CSMD1: variants seen among roughly 807,000 people sequenced by gnomAD.
CSMD1 encodes CUB and Sushi multiple domains 1.
In CSMD1, 213 loss-of-function variants were observed where a neutral mutation model predicts 417.5. The ratio of observed to expected loss-of-function variants is 0.51; its 90% CI spans 0.46 to 0.57. The LOEUF is 0.57. CSMD1 is among the 20% of genes least tolerant of loss of function. The pLI, the probability that CSMD1 is intolerant of heterozygous loss-of-function variation, is 0.00. For missense variants in CSMD1, 6,923 were observed against 4,529.7 expected (o/e 1.53, Z -15.17); for synonymous variants, 2,862 against 1,736.8 (o/e 1.65, Z -16.11).
intron 7 of CSMD1, among the ~76,000 whole-genome samples, chr8:3,660,573 T>C (rs1310979951): frequency 8.8e-6 from 1 of 114,100 alleles, no homozygotes; most frequent in Non-Finnish European, 1.7e-5. Context: ...CAGGCAAGAG[T>C]GCAGTGGTGC....
intron 3 of CSMD1, among the ~76,000 whole-genome samples, chr8:4,402,013 C>A (rs1340116872): frequency 6.6e-6 from 1 of 152,060 alleles, no homozygotes; most frequent in Non-Finnish European, 1.5e-5. Context: ...CTGCTGCTAC[C>A]ACTGTTATAA....
chr8:4,070,692 C>T (rs549133801), intron 3 of CSMD1, among the ~76,000 whole-genome samples: 1 of 152,060 alleles, frequency 6.6e-6, no homozygotes, highest in Non-Finnish European at 1.5e-5. Flanking sequence ...CACTGAAGAT[C>T]CAAGTTTTCA....
At chr8:3,547,749 T>G (rs906748852) in intron 10 of CSMD1, among the ~76,000 whole-genome samples, 1 of 152,206 alleles carries the variant, frequency 6.6e-6, no homozygotes, top group Non-Finnish European at 1.5e-5. Flanking sequence ...GAGCTAGTTA[T>G]CTAATAGAAA....
intron 6 of CSMD1, among the ~76,000 whole-genome samples, chr8:3,718,322 C>A (rs1270976871): frequency 6.6e-6 from 1 of 151,932 alleles, no homozygotes; most frequent in African/African-American, 2.4e-5. Flanking sequence ...TTTTGATGTC[C>A]TTGAATAGGG....
intron 3 of CSMD1, among the ~76,000 whole-genome samples, chr8:4,239,447 G>C (rs1802258285): frequency 6.6e-6 from 1 of 152,166 alleles, no homozygotes; most frequent in Non-Finnish European, 1.5e-5. Flanking sequence ...GCTGGGTCCT[G>C]GAGCCATCAG....
intron 8 of CSMD1, among the ~76,000 whole-genome samples, chr8:3,610,214 C>A (rs1801822500): frequency 6.6e-6 from 1 of 152,004 alleles, no homozygotes; most frequent in Non-Finnish European, 1.5e-5. Context: ...TTTTACTATC[C>A]CATGGAACAT....
At chr8:3,805,302 C>G (rs562311980) in intron 5 of CSMD1, among the ~76,000 whole-genome samples, 2 of 152,164 alleles carry the variant, frequency 1.3e-5, no homozygotes, top group African/African-American at 4.8e-5. Flanking sequence ...ACAGATTCCA[C>G]CAGGACACCA....
chr8:3,133,997 G>T (rs1271752631), intron 41 of CSMD1, among the ~76,000 whole-genome samples: 1 of 152,098 alleles, frequency 6.6e-6, no homozygotes, highest in African/African-American at 2.4e-5. Flanking sequence ...GGCCAATGTG[G>T]TGAAACCCTG....
At chr8:3,812,169 A>T (rs972891078) in intron 5 of CSMD1, among the ~76,000 whole-genome samples, 3 of 152,224 alleles carry the variant, frequency 2.0e-5, no homozygotes, top group African/African-American at 7.2e-5. Flanking sequence ...AAGTCTAAGC[A>T]GTGAGTTGTT....
At chr8:3,783,694 G>A (rs1253937272) in intron 5 of CSMD1, among the ~76,000 whole-genome samples, 4 of 152,160 alleles carry the variant, frequency 2.6e-5, no homozygotes, top group Non-Finnish European at 5.9e-5. Context: ...TCAAACGGAG[G>A]CTCCCCTCCC....
At chr8:4,443,327 G>A (rs140641117) in intron 2 of CSMD1, among the ~76,000 whole-genome samples, 3 of 152,186 alleles carry the variant, frequency 2.0e-5, no homozygotes, top group African/African-American at 4.8e-5. Context: ...TTTAGAGAAA[G>A]TCTACCCACA....
chr8:4,493,333 C>T (rs1243771858), intron 2 of CSMD1, among the ~76,000 whole-genome samples: 11 of 152,044 alleles, frequency 7.2e-5, no homozygotes, highest in African/African-American at 2.7e-4. Flanking sequence ...TGTATGTTCA[C>T]TCTTAACTAG....
chr8:3,535,497 T>G (rs1798158264), intron 10 of CSMD1, among the ~76,000 whole-genome samples: 1 of 152,148 alleles, frequency 6.6e-6, no homozygotes, highest in Admixed American at 6.5e-5. Context: ...TAAATATGTA[T>G]GCACATGGAC....
intron 1 of CSMD1, among the ~76,000 whole-genome samples, chr8:4,885,786 T>C (rs940185549): frequency 6.6e-6 from 1 of 151,972 alleles, no homozygotes; most frequent in African/African-American, 2.4e-5. Flanking sequence ...TCCTTTCATG[T>C]GCAAAGTTTT....
intron 1 of CSMD1, among the ~76,000 whole-genome samples, chr8:4,742,085 C>A (rs1391295065): frequency 7.9e-6 from 1 of 126,568 alleles, no homozygotes; most frequent in African/African-American, 3.0e-5. Context: ...GGCTGGAGTG[C>A]AGTGGCGCAA....
At position 4,176,469 on chromosome 8, in the gene CSMD1, G is replaced by A. The variant is rs183871888; in HGVS notation, c.416-144370C>T. On this transcript the variant is annotated intron_variant, in intron 3 of 69. Transcript: ENST00000635120. ...TCCTTTTTGATTATTTTCTCATCCT[G>A]GCACCTTCTAACCTCCTCACTCACT... Among the ~76,000 whole-genome samples, 421 of 151,782 alleles carry A rather than the reference G, an allele frequency of 2.8e-3. 1 individual carries two copies. The highest frequency in any genetic ancestry group is 6.1e-3 in the Admixed American group (93 of 15,246).
At chr8:3,749,308 T>C (rs1038204799) in intron 6 of CSMD1, among the ~76,000 whole-genome samples, 1 of 152,178 alleles carries the variant, frequency 6.6e-6, no homozygotes, top group Admixed American at 6.5e-5. Context: ...ATTGCAAATA[T>C]ATTGTGGGTT....
At chr8:4,562,277 G>A (rs1393707172) in intron 2 of CSMD1, among the ~76,000 whole-genome samples, 1 of 152,176 alleles carries the variant, frequency 6.6e-6, no homozygotes, top group Non-Finnish European at 1.5e-5. Flanking sequence ...CGCGAGCAGA[G>A]AGAGGACAAC....
At chr8:4,683,021 C>G (rs546853415) in intron 1 of CSMD1, among the ~76,000 whole-genome samples, 31 of 144,294 alleles carry the variant, frequency 2.1e-4, no homozygotes, top group African/African-American at 7.9e-4. Context: ...TCCAAATTAT[C>G]TCACTTCTTG....
Sources: allele counts gnomAD v4.1 joint callset (sites outside exome capture counted in the v4.1 genomes callset), GRCh38; gene constraint gnomAD v4.1.1; transcripts MANE v1.5; gene names NCBI Gene and HGNC (gene_info 2026-07-23, HGNC 2026-07-21).